CSMD3: variants seen among roughly 807,000 people sequenced by gnomAD.
CSMD3 encodes the protein CUB and Sushi multiple domains 3.
A neutral mutation model predicts 435.2 loss-of-function variants in CSMD3; 177 were observed. The ratio of observed to expected loss-of-function variants is 0.41; its 90% confidence interval spans 0.36 to 0.46. The LOEUF is 0.46. Among genes scored for constraint, CSMD3 ranks in the 20% least tolerant of loss-of-function variants. The pLI, the probability that CSMD3 is intolerant of heterozygous loss-of-function variation, is 0.34. For synonymous variants in CSMD3, 1,656 were observed against 1,520.5 expected (o/e 1.09, Z -2.07); for missense variants, 4,265 against 4,504.6 (o/e 0.95, Z 1.52).
chr8:113,023,365 A>G (rs1300340678), intron 5 of CSMD3, among the ~76,000 whole-genome samples: 2 of 151,778 alleles, frequency 1.3e-5, no homozygotes, highest in African/African-American at 4.8e-5. Flanking sequence ...CCTCTTTTTC[A>G]CAATTCTCCC....
At chr8:112,672,755 C>T (rs1215812640) in intron 16 of CSMD3, among the ~76,000 whole-genome samples, 1 of 151,950 alleles carries the variant, frequency 6.6e-6, no homozygotes, top group East Asian at 1.9e-4. Context: ...TTTTCTAAGG[C>T]CTGAAGAACG....
chr8:113,354,785 G>A (rs72670774), intron 1 of CSMD3, among the ~76,000 whole-genome samples: 2,379 of 152,056 alleles, frequency 0.016, 29 homozygotes, highest in Non-Finnish European at 0.02. Context: ...GACTACAAGC[G>A]TGTGTTACCA....
chr8:112,425,816 A>C (rs1427498302), intron 32 of CSMD3, among the ~76,000 whole-genome samples: 1 of 152,182 alleles, frequency 6.6e-6, no homozygotes, highest in African/African-American at 2.4e-5. Context: ...GTGTGTGTTA[A>C]AATAGTAGTA....
chr8:112,228,692 C>G (rs2129830873), intron 70 of CSMD3, 64 bp downstream of exon 70: 4 of 1,499,520 alleles, frequency 2.7e-6, no homozygotes, highest in Non-Finnish European at 3.7e-6. Context: ...TGAGCTAGAG[C>G]AGTAGAAATA....
chr8:113,244,104 A>G (rs2093250452), intron 3 of CSMD3, among the ~76,000 whole-genome samples: 1 of 151,930 alleles, frequency 6.6e-6, no homozygotes, highest in Admixed American at 6.6e-5. Flanking sequence ...ATTTCTATGG[A>G]TTGTATTTTC....
intron 23 of CSMD3, among the ~76,000 whole-genome samples, chr8:112,578,336 G>GT (rs1326183604): frequency 6.6e-6 from 1 of 151,872 alleles, no homozygotes; most frequent in East Asian, 1.9e-4. Context: ...TCGGTTTTTT[G>GT]TTATATAATA....
At chr8:112,811,601 A>G (rs1381702058) in intron 12 of CSMD3, among the ~76,000 whole-genome samples, 1 of 152,152 alleles carries the variant, frequency 6.6e-6, no homozygotes, top group Non-Finnish European at 1.5e-5. Flanking sequence ...CTTTTGATAA[A>G]GACAATTAAC....
intron 2 of CSMD3, among the ~76,000 whole-genome samples, chr8:113,300,147 C>T (rs1402225685): frequency 2.6e-5 from 3 of 117,376 alleles, no homozygotes; most frequent in South Asian, 6.4e-4. Flanking sequence ...GAGTGAGACT[C>T]TGTCTCAAAA....
At chr8:112,608,943 T>A (rs1032723583) in intron 22 of CSMD3, among the ~76,000 whole-genome samples, 8 of 151,848 alleles carry the variant, frequency 5.3e-5, no homozygotes, top group Non-Finnish European at 1.2e-4. Context: ...TCAGAGATGA[T>A]TTTTTGGATA....
In CSMD3 at chr8:112,606,233, C is replaced by A. The variant is rs532577559; in HGVS notation, c.3716-18998G>T. On this transcript the variant is annotated intron_variant, in intron 22 of 70. Coordinates refer to ENST00000297405, the MANE Select transcript of CSMD3 (RefSeq NM_198123.2). ...TTGATGCCAAGAGAAGCCCCTACAG[C>A]CCATGATTTCTCCTACATGGAAAGT... Among the ~76,000 whole-genome samples the A allele has an allele frequency of 2.7e-3, 416 of 152,280 alleles. 1 individual carries two copies. Among genetic ancestry groups the A allele is most frequent in the African/African-American group, 9.5e-3 (396 of 41,562 alleles).
chr8:113,398,207 T>C (rs1354371695), intron 1 of CSMD3, among the ~76,000 whole-genome samples: 1 of 152,206 alleles, frequency 6.6e-6, no homozygotes, highest in Admixed American at 6.5e-5. Flanking sequence ...TATTAATCCA[T>C]CTGAAATTTA....
rs1408644393 is a variant in CSMD3 at position 112,348,147 on chromosome 8, C to G, written c.6326-1934G>C. On this transcript the variant is annotated intron_variant, in intron 40 of 70. Coordinates refer to ENST00000297405, the MANE Select transcript of CSMD3 (RefSeq NM_198123.2). The stretch of plus-strand genomic sequence containing the variant: ...GAAGGATACCAAAGAATGCATCTGC[C>G]TTCAGCAATTTGTTCATGTCTATTT... Among the ~76,000 whole-genome samples the G allele has an allele frequency of 5.3e-5, 8 of 152,180 alleles. No individual in the cohort carries two copies. The East Asian group carries it at 1.3e-3, about 26-fold the overall frequency.
rs920239498 is a variant in CSMD3, at chr8:112,891,298, A to G, written c.1633+30329T>C. 2.0e-5 allele frequency among the ~76,000 whole-genome samples: 3 copies of G among 151,626 alleles called. No individual in the cohort carries two copies. In the East Asian group the frequency reaches 5.9e-4, roughly 30 times the overall value. On this transcript the variant is annotated intron_variant, in intron 10 of 70. Coordinates refer to ENST00000297405, the MANE Select transcript of CSMD3 (RefSeq NM_198123.2). ...AATTCCCCAAGTGATAACTCTGCAC[A>G]TTCAATCTTGAGCAGCACTGCACTC...
rs567575319 is a variant in CSMD3, at chr8:112,505,229, G to C, written c.4896-1252C>G. Among the ~76,000 whole-genome samples the C allele has an allele frequency of 1.2e-4, 18 of 152,152 alleles. No homozygotes were observed. In the East Asian group the frequency reaches 2.1e-3, roughly 18 times the overall value. Reference sequence around the variant, plus strand: ...GGAGACCATCACACTATTATATTTTGTTTTAATTTATTCAGTAGCTTCAAC... The same window carrying C: ...GGAGACCATCACACTATTATATTTTCTTTTAATTTATTCAGTAGCTTCAAC... On this transcript the variant is annotated intron_variant, in intron 29 of 70. Coordinates refer to ENST00000297405, the MANE Select transcript of CSMD3 (RefSeq NM_198123.2).
At chr8:112,562,329 A>T (rs1259069717) in intron 24 of CSMD3, among the ~76,000 whole-genome samples, 1 of 151,622 alleles carries the variant, frequency 6.6e-6, no homozygotes, top group Admixed American at 6.6e-5. Context: ...TTCATTTTTA[A>T]ATGTAATAAA....
intron 1 of CSMD3, among the ~76,000 whole-genome samples, chr8:113,369,806 C>G (rs922210374): frequency 8.6e-5 from 13 of 151,788 alleles, no homozygotes; most frequent in Non-Finnish European, 1.5e-4. Context: ...AAGTCAGTCA[C>G]AGAAAGACAA....
intron 59 of CSMD3, among the ~76,000 whole-genome samples, chr8:112,278,113 T>C (rs1818260186): frequency 6.6e-6 from 1 of 152,132 alleles, no homozygotes; most frequent in Admixed American, 6.5e-5. Flanking sequence ...TGGAACCAAT[T>C]CTGGGGAGGG....
At chr8:113,372,567 A>C (rs2094352527) in intron 1 of CSMD3, among the ~76,000 whole-genome samples, 1 of 152,158 alleles carries the variant, frequency 6.6e-6, no homozygotes, top group Non-Finnish European at 1.5e-5. Flanking sequence ...CAAATTATAC[A>C]ACCTCATATA....
intron 1 of CSMD3, among the ~76,000 whole-genome samples, chr8:113,372,020 C>T (rs2094348651): frequency 6.6e-6 from 1 of 152,010 alleles, no homozygotes; most frequent in Admixed American, 6.6e-5. Context: ...GCCTACAGTT[C>T]CACACTAGTT....
Sources: allele counts gnomAD v4.1 joint callset (sites outside exome capture counted in the v4.1 genomes callset), GRCh38; gene constraint gnomAD v4.1.1; transcripts MANE v1.5; gene names NCBI Gene and HGNC (gene_info 2026-07-23, HGNC 2026-07-21).